The following LPAR1 variants were observed in gnomAD, a reference collection of about 807,000 sequenced individuals.
LPAR1 encodes the protein lysophosphatidic acid receptor 1.
A neutral mutation model predicts 23.8 loss-of-function variants in LPAR1; 5 were observed. That is an observed-to-expected ratio of 0.21 (90% confidence interval 0.11 to 0.44). The LOEUF is 0.44. LPAR1 is among the 20% of genes least tolerant of loss of function. The probability of loss-of-function intolerance (pLI) is 0.99; values close to 1 mark genes in which losing one functional copy is unlikely to be tolerated. For missense variants in LPAR1, 311 were observed against 482.8 expected, an observed-to-expected ratio of 0.64 and a Z score of 3.33; for synonymous variants, 160 against 164.7, an observed-to-expected ratio of 0.97 and a Z score of 0.22.
chr9:110,950,600 AATC>A (rs1220163258), intron 4 of LPAR1, among the ~76,000 whole-genome samples: 1 of 152,148 alleles, frequency 6.6e-6, no homozygotes, highest in Non-Finnish European at 1.5e-5. Flanking sequence ...TTTCTGAATT[AATC>A]ATCAAGCCAT....
chr9:110,999,515 T>C (rs1210448197), intron 2 of LPAR1: 3 of 446,150 alleles, frequency 6.7e-6, no homozygotes, highest in African/African-American at 6.1e-5. Context: ...CAGGCTGCTA[T>C]GAAAGCTACC....
intron 5 of LPAR1, among the ~76,000 whole-genome samples, chr9:110,892,075 G>A (rs895789985): frequency 6.6e-6 from 1 of 152,192 alleles, no homozygotes; most frequent in Admixed American, 6.5e-5. Flanking sequence ...TCCACACAAA[G>A]ATGTGTAGGA....
intron 2 of LPAR1, among the ~76,000 whole-genome samples, chr9:110,991,579 TTTGTTG>T (rs199560980): frequency 0.012 from 846 of 73,032 alleles, 7 homozygotes; most frequent in African/African-American, 0.032. Flanking sequence ...TCTGGTTTGT[TTTGTTG>T]TTGTTGTTGT....
At chr9:110,875,895 T>C (rs1393556400) in intron 5 of LPAR1, among the ~76,000 whole-genome samples, 173 bp from the exon 6 acceptor site, 2 of 152,168 alleles carry the variant, frequency 1.3e-5, no homozygotes, top group Admixed American at 1.3e-4. Flanking sequence ...AGAAAAAATT[T>C]AACGATAGTC....
chr9:110,966,190 T>C (rs1034228966), intron 4 of LPAR1, among the ~76,000 whole-genome samples: 11 of 151,824 alleles, frequency 7.2e-5, no homozygotes, highest in African/African-American at 2.7e-4. Flanking sequence ...GCTTAAAACC[T>C]AGATGATGGG....
At chr9:110,883,694 T>TTC (rs143854770) in intron 5 of LPAR1, among the ~76,000 whole-genome samples, 71,840 of 151,892 alleles carry the variant, frequency 0.47, 17,150 homozygotes, top group South Asian at 0.52. Flanking sequence ...TTTCTTTTTA[T>TTC]TCTCTCTTTT....
chr9:111,022,600 AAACTT>A (rs1000080075), intron 2 of LPAR1, among the ~76,000 whole-genome samples: 50 of 152,340 alleles, frequency 3.3e-4, no homozygotes, highest in South Asian at 8.3e-4. Flanking sequence ...CACTTACAAA[AAACTT>A]AACTTCAGTG....
intron 5 of LPAR1, among the ~76,000 whole-genome samples, chr9:110,926,782 G>A (rs888009455): frequency 4.6e-5 from 7 of 152,050 alleles, no homozygotes; most frequent in African/African-American, 1.7e-4. Context: ...CACATGCCTG[G>A]GGCAATCACG....
rs16915571 is a variant in LPAR1, at chr9:110,941,334, C to T, written c.793+87G>A. On this transcript the variant is annotated intron_variant, in intron 5 of 5. Coordinates refer to ENST00000683809, the MANE Select transcript of LPAR1 (RefSeq NM_001351411.2). This position sits in a 1 kb window ranked among gnomAD's most constrained non-coding sequence, Gnocchi z 6.1. ...GTGAATTACCTGGTGAATATTCATA[C>T]TGTTGGTTACCTCTGACATAAAATA... 4,833 of 1,221,104 alleles carry T rather than the reference C, an allele frequency of 4.0e-3. 147 individuals are homozygous for T. The African/African-American group carries it at 0.062, about 16-fold the overall frequency. The allele number at this position is 1,221,104 out of a possible 1,614,324, so 75.6% of individuals were successfully genotyped here. A position where few individuals can be genotyped will look rare whatever the true frequency, so the allele number is the denominator to read the frequency against.
At chr9:110,894,807 G>A (rs944488593) in intron 5 of LPAR1, among the ~76,000 whole-genome samples, 1 of 151,956 alleles carries the variant, frequency 6.6e-6, no homozygotes, top group Non-Finnish European at 1.5e-5. Flanking sequence ...CTTGAGCCCA[G>A]GAGTTCAACA....
At chr9:110,968,687 A>G (rs981383587) in intron 4 of LPAR1, among the ~76,000 whole-genome samples, 2 of 152,068 alleles carry the variant, frequency 1.3e-5, no homozygotes, top group African/African-American at 2.4e-5. Flanking sequence ...TGTATCTCCC[A>G]CTATATCTGT....
At chr9:110,989,657 A>G (rs1431182029) in intron 2 of LPAR1, among the ~76,000 whole-genome samples, 5 of 152,194 alleles carry the variant, frequency 3.3e-5, no homozygotes, top group Non-Finnish European at 5.9e-5. Context: ...AAATGAAATC[A>G]TAAAGTATAC....
intron 4 of LPAR1, among the ~76,000 whole-genome samples, chr9:110,970,004 CCA>C (rs1554716302): frequency 6.6e-6 from 1 of 152,098 alleles, no homozygotes; most frequent in Non-Finnish European, 1.5e-5. Context: ...ATTTACTTTC[CCA>C]CAGAGAATTT....
intron 5 of LPAR1, among the ~76,000 whole-genome samples, chr9:110,927,625 T>A (rs1200159636): frequency 1.3e-5 from 2 of 152,180 alleles, no homozygotes; most frequent in African/African-American, 4.8e-5. Flanking sequence ...TAAAGTTTAT[T>A]ACATATTAGA....
chr9:110,899,667 G>A (rs2087925681), intron 5 of LPAR1, among the ~76,000 whole-genome samples: 1 of 152,208 alleles, frequency 6.6e-6, no homozygotes, highest in Non-Finnish European at 1.5e-5. Context: ...TTCTGATTCA[G>A]TAGGTCTGGA....
At chr9:110,936,320 T>G (rs183992968) in intron 5 of LPAR1, among the ~76,000 whole-genome samples, 35 of 152,352 alleles carry the variant, frequency 2.3e-4, no homozygotes, top group African/African-American at 7.9e-4. Context: ...AAATCTTTCA[T>G]CAGAGTGAAT....
intron 4 of LPAR1, among the ~76,000 whole-genome samples, chr9:110,946,534 T>C (rs903666666): frequency 6.6e-6 from 1 of 152,168 alleles, no homozygotes; most frequent in Non-Finnish European, 1.5e-5. Context: ...CATAGCCAAT[T>C]ACATTGATGT....
chr9:110,955,741 A>C (rs2095717394), intron 4 of LPAR1, among the ~76,000 whole-genome samples: 1 of 151,316 alleles, frequency 6.6e-6, no homozygotes, highest in Non-Finnish European at 1.5e-5. Context: ...CAAATCAATT[A>C]CAAGAGTAAC....
At chr9:111,010,054 T>C (rs2097304484) in intron 2 of LPAR1, among the ~76,000 whole-genome samples, 2 of 107,050 alleles carry the variant, frequency 1.9e-5, no homozygotes, top group Non-Finnish European at 3.6e-5. Context: ...TATGGATACA[T>C]AGATAGGTCA....
Sources: gnomAD v4.1 joint callset for allele counts (sites outside exome capture counted in the v4.1 genomes callset) on GRCh38, gnomAD v4.1.1 for gene constraint, Gnocchi (gnomAD v3.1) non-coding constraint, MANE v1.5 for transcripts, NCBI Gene and HGNC (gene_info 2026-07-23, HGNC 2026-07-21) for gene names.